HPGD: variants seen among roughly 807,000 people sequenced by gnomAD.
HPGD encodes 15-hydroxyprostaglandin dehydrogenase [NAD(+)].
In HPGD, 29 loss-of-function variants were observed where a neutral mutation model predicts 30.0. That is an observed-to-expected ratio of 0.97 (90% CI 0.72 to 1.32). HPGD has a LOEUF of 1.32. Among genes scored for constraint, HPGD ranks in the 40% most tolerant of loss-of-function variants. The pLI is 0.00. For missense variants in HPGD, 340 were observed against 322.1 expected, an observed-to-expected ratio of 1.06 and a Z score of -0.43; for synonymous variants, 99 against 112.4, an observed-to-expected ratio of 0.88 and a Z score of 0.75.
In HPGD at chr4:174,496,228, A is replaced by T. The variant is rs905444325; in HGVS notation, c.422-604T>A. On this transcript the variant is annotated intron_variant, in intron 4 of 6. Coordinates refer to ENST00000296522, the MANE Select transcript of HPGD (RefSeq NM_000860.6). This position sits in a 1 kb window ranked among gnomAD's most constrained non-coding sequence, Gnocchi z 4.6. ...TTTTTGTCCTATGACTTAGGAAGAT[A>T]GAAATAAACATTTGTGGTCCTATTT... is the stretch of plus-strand genomic sequence containing the variant. 1.3e-5 allele frequency among the ~76,000 whole-genome samples: 2 copies of T among 152,252 alleles called. No homozygotes were observed. The highest frequency in any genetic ancestry group is 4.8e-5 in the African/African-American group (2 of 41,466).
intron 2 of HPGD, 116 bp from the exon 3 acceptor site, chr4:174,518,193 A>G: frequency 1.6e-6 from 1 of 624,292 alleles, no homozygotes; most frequent in Non-Finnish European, 2.9e-6. Context: ...GAAAGTTACT[A>G]AACTCATGGG....
intron 4 of HPGD, chr4:174,508,294 C>A: frequency 3.4e-6 from 2 of 582,144 alleles, no homozygotes; most frequent in Non-Finnish European, 3.1e-6. Flanking sequence ...ATGATATATG[C>A]CATATTTTAA....
chr4:174,497,057 A>G (rs1297915989), intron 4 of HPGD, among the ~76,000 whole-genome samples: 1 of 152,234 alleles, frequency 6.6e-6, no homozygotes, highest in Non-Finnish European at 1.5e-5. Flanking sequence ...TAAAGGGAAT[A>G]AAAAAGTATA....
At chr4:174,506,397 T>C (rs1042563064) in intron 4 of HPGD, among the ~76,000 whole-genome samples, 1 of 152,236 alleles carries the variant, frequency 6.6e-6, no homozygotes, top group Non-Finnish European at 1.5e-5. Context: ...CTTTTACTTT[T>C]CTGTTAGGCT....
At chr4:174,501,785 A>AG (rs1373696486) in intron 4 of HPGD, among the ~76,000 whole-genome samples, 1 of 151,938 alleles carries the variant, frequency 6.6e-6, no homozygotes, top group African/African-American at 2.4e-5. Flanking sequence ...AAAGTCATTC[A>AG]GAAAAAAAAA....
At chr4:174,514,591 C>A (rs1198067292) in intron 3 of HPGD, among the ~76,000 whole-genome samples, 1 of 152,060 alleles carries the variant, frequency 6.6e-6, no homozygotes, top group Non-Finnish European at 1.5e-5. Context: ...AAGCATTCGC[C>A]TTGAGAGCTG....
intron 4 of HPGD, 160 bp from the exon 5 acceptor site, chr4:174,495,784 G>A (rs539767136): frequency 3.3e-5 from 22 of 663,806 alleles, no homozygotes; most frequent in East Asian, 2.8e-4. Context: ...AAACTCAGTA[G>A]CCTAAGTGTA....
intron 4 of HPGD, among the ~76,000 whole-genome samples, chr4:174,497,568 C>CTTTATTTT: frequency 2.0e-5 from 1 of 51,106 alleles, no homozygotes; most frequent in East Asian, 3.6e-4. Flanking sequence ...CTTTTTCTTT[C>CTTTATTTT]TTTTTTTTTT....
At chr4:174,503,929 G>A (rs1364010899) in intron 4 of HPGD, among the ~76,000 whole-genome samples, 2 of 152,050 alleles carry the variant, frequency 1.3e-5, no homozygotes, top group Non-Finnish European at 2.9e-5. Context: ...TCATTCTGTT[G>A]CCCATGCTGG....
In HPGD at chr4:174,493,251, T is replaced by C. The variant is rs1404000015; in HGVS notation, c.562A>G (p.Thr188Ala). Residue 188 changes from threonine (T) to alanine (A), a missense_variant, in exon 6 of 7, where the codon ACA (threonine) becomes GCA (alanine). By Grantham distance (58) the Thr-to-Ala change is moderately conservative. Coordinates refer to ENST00000296522, the MANE Select transcript of HPGD (RefSeq NM_000860.6). ...TTTTCAATTGATTCAAGGATGGCTGTGTTAACAAAGCCTGGACAAATGGCA... is the reference window on the plus strand; with the variant it reads ...TTTTCAATTGATTCAAGGATGGCTGCGTTAACAAAGCCTGGACAAATGGCA... ...LNAICPGFVNTAILESIEKEE... is the reference protein window; with the variant it reads ...LNAICPGFVNAAILESIEKEE... The C allele has an allele frequency of 1.2e-6, 2 of 1,613,252 alleles. No individual in the cohort carries two copies. Among genetic ancestry groups the C allele is most frequent in the African/African-American group, 2.7e-5 (2 of 74,908 alleles).
intron 3 of HPGD, 55 bp downstream of exon 3, chr4:174,517,916 C>T (rs1735873697): frequency 2.1e-6 from 2 of 942,744 alleles, no homozygotes; most frequent in Non-Finnish European, 3.4e-6. Flanking sequence ...TTTTTCTTTA[C>T]AAACATCATG....
In HPGD at chr4:174,490,307, C is replaced by G. The variant is rs529176258; in HGVS notation, c.*1649G>C. ...AAGTAAGTTTTTAACTTATGTAACT[C>G]ACATTTTTCAATTCTACTTGATATT... is the stretch of plus-strand genomic sequence containing the variant. On this transcript the variant is annotated 3_prime_UTR_variant, in exon 7 of 7. Transcript: ENST00000296522. The surrounding 1 kb of genome is among the most constrained non-coding windows in gnomAD (Gnocchi z 4.4). 2 of 152,368 alleles carry G rather than the reference C, an allele frequency of 1.3e-5. No individual in the cohort carries two copies. The highest frequency in any genetic ancestry group is 2.9e-5 in the Non-Finnish European group (2 of 67,998). The allele number at this position is 152,368 out of a possible 1,614,324, so 9.4% of individuals were successfully genotyped here.
chr4:174,522,374 C>T lies in HPGD; in HGVS notation c.78G>A (p.Leu26=), dbSNP rs750817164. The T allele has an allele frequency of 3.1e-5, 48 of 1,569,682 alleles. No homozygotes were observed. Among genetic ancestry groups the T allele is most frequent in the Non-Finnish European group, 2.6e-5 (30 of 1,157,720 alleles). The change falls in exon 1 of 7, where the codon CTG becomes CTA. Residue 26 remains leucine (L), a synonymous_variant. Coordinates refer to ENST00000296522, the MANE Select transcript of HPGD (RefSeq NM_000860.6). ...CCGGGCTTACCTTGGCGCCCTTAAGCAGCAGCGCCTCTGCAAAGGCTCTGC... is the reference window on the plus strand; with the variant it reads ...CCGGGCTTACCTTGGCGCCCTTAAGTAGCAGCGCCTCTGCAAAGGCTCTGC... ...GIGRAFAEAL[L]LKGAKVALVD... is the part of the protein sequence containing the mutation.
At chr4:174,513,143 T>C (rs1240697119) in intron 3 of HPGD, among the ~76,000 whole-genome samples, 2 of 152,272 alleles carry the variant, frequency 1.3e-5, no homozygotes, top group Non-Finnish European at 2.9e-5. Flanking sequence ...ACAGGAACTA[T>C]ATACTCTATT....
chr4:174,506,716 A>G (rs1335474131), intron 4 of HPGD: 4 of 152,240 alleles, frequency 2.6e-5, no homozygotes, highest in African/African-American at 9.6e-5. Flanking sequence ...ATATATTTGA[A>G]TATTTTAAAC....
chr4:174,519,792 C>A (rs891399619), intron 2 of HPGD, among the ~76,000 whole-genome samples: 3 of 152,028 alleles, frequency 2.0e-5, no homozygotes, highest in Non-Finnish European at 2.9e-5. Context: ...CTCTCTTTTC[C>A]GACTCAGCCA....
At chr4:174,497,243 C>G (rs1005397496) in intron 4 of HPGD, among the ~76,000 whole-genome samples, 1 of 152,144 alleles carries the variant, frequency 6.6e-6, no homozygotes, top group Non-Finnish European at 1.5e-5. Flanking sequence ...AGACATTGTT[C>G]ATAAGAGTTG....
chr4:174,512,997 G>T lies in HPGD; in HGVS notation c.325-4205C>A, dbSNP rs187397251. Among the ~76,000 whole-genome samples the T allele has an allele frequency of 1.1e-4, 17 of 152,232 alleles. No individual in the cohort carries two copies. The East Asian group carries it at 3.1e-3, about 28-fold the overall frequency. On this transcript the variant is annotated intron_variant, in intron 3 of 6. Coordinates refer to ENST00000296522, the MANE Select transcript of HPGD (RefSeq NM_000860.6). ...TCTCAGCTGGATGAAGACATCAGTC[G>T]AATTCTGTAACTTCGTAATATTTGC...
chr4:174,520,468 C>T (rs1446217976), intron 2 of HPGD, among the ~76,000 whole-genome samples: 1 of 152,164 alleles, frequency 6.6e-6, no homozygotes, highest in Non-Finnish European at 1.5e-5. Flanking sequence ...CTGGAAGAAT[C>T]AATGTCATGT....
Sources: gnomAD v4.1 joint callset for allele counts (sites outside exome capture counted in the v4.1 genomes callset) on GRCh38, gnomAD v4.1.1 for gene constraint, Gnocchi (gnomAD v3.1) non-coding constraint, MANE v1.5 for transcripts, NCBI Gene and HGNC (gene_info 2026-07-23, HGNC 2026-07-21) for gene names.